CLMP: variants seen among roughly 807,000 people sequenced by gnomAD.
CLMP encodes CXADR-like membrane protein.
In CLMP, 27 loss-of-function variants were observed where a neutral mutation model predicts 45.2. The ratio of observed to expected loss-of-function variants is 0.60; its 90% CI spans 0.44 to 0.82. The LOEUF (loss-of-function observed/expected upper bound fraction) is 0.82, where lower values mean the gene tolerates loss of function less well. CLMP is among the 40% of genes least tolerant of loss of function. The pLI is 0.00. For synonymous variants in CLMP, 167 were observed against 171.4 expected (o/e 0.97, Z 0.20); for missense variants, 403 against 448.4 (o/e 0.90, Z 0.91).
At chr11:123,132,711 A>G (rs1054761977) in intron 1 of CLMP, among the ~76,000 whole-genome samples, 1 of 151,978 alleles carries the variant, frequency 6.6e-6, no homozygotes, top group Non-Finnish European at 1.5e-5. Context: ...CACCCACCTC[A>G]GCCTCCCAAA....
intron 1 of CLMP, among the ~76,000 whole-genome samples, chr11:123,114,640 A>G (rs886227068): frequency 9.2e-5 from 14 of 152,192 alleles, no homozygotes; most frequent in East Asian, 1.9e-4. Flanking sequence ...CATGTCCTAC[A>G]TGATAAAAAT....
intron 1 of CLMP, among the ~76,000 whole-genome samples, chr11:123,166,165 T>C (rs1430869848): frequency 1.3e-5 from 2 of 152,142 alleles, no homozygotes; most frequent in Non-Finnish European, 2.9e-5. Context: ...GCTTCATACC[T>C]CGCAGGCCTG....
intron 1 of CLMP, among the ~76,000 whole-genome samples, chr11:123,154,196 C>A (rs60208101): frequency 6.6e-6 from 1 of 152,254 alleles, no homozygotes; most frequent in East Asian, 1.9e-4. Flanking sequence ...CCCTCTCTCA[C>A]CCCCTCCTCC....
intron 1 of CLMP, among the ~76,000 whole-genome samples, chr11:123,108,588 G>A (rs1372800342): frequency 6.6e-6 from 1 of 152,038 alleles, no homozygotes; most frequent in East Asian, 1.9e-4. Context: ...TGGGGAAAGG[G>A]AATGAGGGAA....
At chr11:123,142,807 T>C (rs1047255924) in intron 1 of CLMP, among the ~76,000 whole-genome samples, 1 of 148,718 alleles carries the variant, frequency 6.7e-6, no homozygotes, top group African/African-American at 2.5e-5. Flanking sequence ...TTTGTATTTT[T>C]AGTAGAGACG....
At chr11:123,194,806 G>A in intron 1 of CLMP, 107 bp downstream of exon 1, 1 of 1,414,052 alleles carries the variant, frequency 7.1e-7, no homozygotes, top group Non-Finnish European at 9.9e-7. Context: ...AAAGCCGGCT[G>A]ACTCCAGGGG....
chr11:123,136,395 G>C, intron 1 of CLMP: 1 of 514,872 alleles, frequency 1.9e-6, no homozygotes, highest in Non-Finnish European at 3.7e-6. Context: ...TGATACCGCC[G>C]GTGGCCAGTT....
At chr11:123,090,929 T>C (rs1865925028) in intron 2 of CLMP, among the ~76,000 whole-genome samples, 1 of 152,192 alleles carries the variant, frequency 6.6e-6, no homozygotes, top group Admixed American at 6.6e-5. Flanking sequence ...ATGTGCAGTA[T>C]AGCATTTGCC....
chr11:123,122,819 C>T (rs1489939460), intron 1 of CLMP, among the ~76,000 whole-genome samples: 1 of 152,138 alleles, frequency 6.6e-6, no homozygotes, highest in Non-Finnish European at 1.5e-5. Flanking sequence ...CCTGTCTTCC[C>T]TCCTTTCCTT....
chr11:123,091,393 C>A (rs1053107808), intron 2 of CLMP, among the ~76,000 whole-genome samples: 1 of 152,210 alleles, frequency 6.6e-6, no homozygotes, highest in Admixed American at 6.5e-5. Context: ...GCATGAGCCA[C>A]CGTGCCCATC....
intron 1 of CLMP, among the ~76,000 whole-genome samples, chr11:123,166,600 T>G (rs1861560075): frequency 6.6e-6 from 1 of 152,232 alleles, no homozygotes; most frequent in South Asian, 2.1e-4. Context: ...GCAGCCTGAA[T>G]GTGAGCTGCT....
intron 1 of CLMP, among the ~76,000 whole-genome samples, chr11:123,170,442 C>A (rs1231151425): frequency 7.1e-6 from 1 of 140,708 alleles, no homozygotes; most frequent in Non-Finnish European, 1.5e-5. Context: ...ATGAAACCTG[C>A]TTTTTTTTTT....
At position 123,094,657 on chromosome 11, in the gene CLMP, G is replaced by A. The variant is rs1307371367; in HGVS notation, c.186+3138C>T. On this transcript the variant is annotated intron_variant, in intron 2 of 6. Transcript: ENST00000448775. ...AGTAGTCCTCCCACCTCAACCTCCC[G>A]AGTAGCTGGGACTACAGGCACAAGC... Among the ~76,000 whole-genome samples the A allele has an allele frequency of 9.2e-5, 14 of 152,216 alleles. No individual in the cohort carries two copies. The South Asian group carries it at 1.2e-3, about 14-fold the overall frequency.
At chr11:123,155,990 G>C (rs1313892457) in intron 1 of CLMP, among the ~76,000 whole-genome samples, 1 of 152,164 alleles carries the variant, frequency 6.6e-6, no homozygotes, top group Non-Finnish European at 1.5e-5. Flanking sequence ...GATAGAATGA[G>C]TGTTTATGTC....
Position 123,169,812 on chromosome 11 carries a change from G to A in CLMP, c.28+25101C>T, listed in dbSNP as rs562063372. ...TTGGTCCAGAAAGGTGGGACAACTC[G>A]AAGCAGAGGAAGCCGGTGTTGGGGG... On this transcript the variant is annotated intron_variant, in intron 1 of 6. Transcript: ENST00000448775. Among the ~76,000 whole-genome samples the A allele has an allele frequency of 2.4e-3, 362 of 152,278 alleles. 1 individual carries two copies. Among genetic ancestry groups the A allele is most frequent in the Non-Finnish European group, 3.7e-3 (255 of 68,024 alleles).
At chr11:123,170,097 G>A (rs1370555431) in intron 1 of CLMP, among the ~76,000 whole-genome samples, 1 of 152,174 alleles carries the variant, frequency 6.6e-6, no homozygotes, top group Admixed American at 6.5e-5. Flanking sequence ...TCTGGAAGAG[G>A]AAAAGGAAAT....
intron 1 of CLMP, among the ~76,000 whole-genome samples, chr11:123,129,319 ACT>A (rs1860947010): frequency 6.8e-6 from 1 of 148,042 alleles, no homozygotes; most frequent in African/African-American, 2.5e-5. Flanking sequence ...AATGAGTGAA[ACT>A]CTGTCTTAAT....
At chr11:123,131,353 A>T (rs956103854) in intron 1 of CLMP, among the ~76,000 whole-genome samples, 4 of 152,186 alleles carry the variant, frequency 2.6e-5, no homozygotes, top group Non-Finnish European at 5.9e-5. Flanking sequence ...AAAAGAAAAA[A>T]TATAGAAAGA....
At chr11:123,113,644 AGTCTGGTG>A (rs1591463403) in intron 1 of CLMP, among the ~76,000 whole-genome samples, 1 of 152,182 alleles carries the variant, frequency 6.6e-6, no homozygotes, top group East Asian at 1.9e-4. Flanking sequence ...AGGTTCTCAA[AGTCTGGTG>A]GTGGGAAGGA....
Sources: allele counts gnomAD v4.1 joint callset (sites outside exome capture counted in the v4.1 genomes callset), GRCh38; gene constraint gnomAD v4.1.1; transcripts MANE v1.5; gene names NCBI Gene and HGNC (gene_info 2026-07-23, HGNC 2026-07-21).